The following TXNL4A variants were observed in gnomAD, a reference collection of about 807,000 sequenced individuals.
The protein encoded by TXNL4A is thioredoxin like 4A.
A neutral mutation model predicts 14.6 loss-of-function variants in TXNL4A; 17 were observed. That is an observed-to-expected ratio of 1.16 (90% CI 0.80 to 1.74). The LOEUF (loss-of-function observed/expected upper bound fraction) is 1.74, where lower values mean the gene tolerates loss of function less well. Among genes scored for constraint, TXNL4A ranks in the 40% most tolerant of loss-of-function variants. The pLI is 0.00. For missense variants in TXNL4A, 74 were observed against 195.2 expected (o/e 0.38, Z 3.70); for synonymous variants, 83 against 70.6 (o/e 1.18, Z -0.88).
At chr18:79,984,807 C>T (rs1396453906) in intron 1 of TXNL4A, among the ~76,000 whole-genome samples, 1 of 152,156 alleles carries the variant, frequency 6.6e-6, no homozygotes, top group Non-Finnish European at 1.5e-5. Context: ...TTTGCGTGGG[C>T]TTTTTAACAC....
Position 79,971,062 on chromosome 18 carries a change from C to T in TXNL4A, c.*2623G>A, listed in dbSNP as rs556352701. 40 of 153,944 alleles carry T rather than the reference C, an allele frequency of 2.6e-4. No individual in the cohort carries two copies. Among genetic ancestry groups the T allele is most frequent in the Non-Finnish European group, 3.3e-4 (23 of 69,072 alleles). 9.5% of individuals were successfully genotyped at this position (153,944 alleles called of 1,614,324 possible). A position where few individuals can be genotyped will look rare whatever the true frequency, so the allele number is the denominator to read the frequency against. ...TCCCAGTCTTAAGCAACCACTAATCCGTCTCTATGGATGTGCCTATTCTAG... is the reference window on the plus strand; with the variant it reads ...TCCCAGTCTTAAGCAACCACTAATCTGTCTCTATGGATGTGCCTATTCTAG... On this transcript the variant is annotated 3_prime_UTR_variant, in exon 3 of 3. Coordinates refer to ENST00000269601, the MANE Select transcript of TXNL4A (RefSeq NM_006701.5).
intron 1 of TXNL4A, among the ~76,000 whole-genome samples, chr18:79,994,792 A>ACCC (rs1273296544): frequency 2.0e-5 from 3 of 150,712 alleles, no homozygotes; most frequent in Non-Finnish European, 4.4e-5. Flanking sequence ...CTCCACCTAC[A>ACCC]CCCCCACTCT....
chr18:79,979,008 G>A (rs2051423078), intron 1 of TXNL4A, among the ~76,000 whole-genome samples: 1 of 151,468 alleles, frequency 6.6e-6, no homozygotes, highest in Non-Finnish European at 1.5e-5. Context: ...CATGATCTTG[G>A]CTCACTGCAA....
chr18:79,985,139 AAAGACAGCTC>A (rs1202734613), intron 1 of TXNL4A, among the ~76,000 whole-genome samples: 3 of 152,242 alleles, frequency 2.0e-5, no homozygotes, highest in Non-Finnish European at 4.4e-5. Context: ...TACAAAATGG[AAAGACAGCTC>A]AAAGGTCCAT....
chr18:80,003,656 G>A (rs1254828352), intron 1 of TXNL4A, among the ~76,000 whole-genome samples: 2 of 152,142 alleles, frequency 1.3e-5, no homozygotes, highest in Admixed American at 1.3e-4. Flanking sequence ...CTTTTAAGAA[G>A]CATTATTTTA....
chr18:79,989,335 C>T (rs1035612966), upstream of TXNL4A, among the ~76,000 whole-genome samples: 2 of 151,924 alleles, frequency 1.3e-5, no homozygotes, highest in Admixed American at 1.3e-4. Flanking sequence ...GTCTTGAACT[C>T]CTGACCTCAA....
At chr18:80,016,287 G>A (rs563248049) in intron 1 of TXNL4A, among the ~76,000 whole-genome samples, 19 of 152,220 alleles carry the variant, frequency 1.2e-4, no homozygotes, top group East Asian at 5.8e-4. Context: ...AGTGGGTTGC[G>A]AAAATTTTCT....
At chr18:80,015,729 T>C (rs1225810447) in intron 1 of TXNL4A, among the ~76,000 whole-genome samples, 1 of 150,874 alleles carries the variant, frequency 6.6e-6, no homozygotes, top group Non-Finnish European at 1.5e-5. Flanking sequence ...CCATGGTGTA[T>C]ATGTGCCACA....
In TXNL4A at chr18:79,982,504, GGAGT is replaced by G. The variant is rs1213044398; in HGVS notation, c.154-4807_154-4804del. ...GCCAGGGTGGCAGGTGCCAGGCTTG[GGAGT>G]GAGTGCAGAAGCCCACTGTAGAGTT... On this transcript the variant is annotated intron_variant, in intron 1 of 2. Transcript: ENST00000269601. This position sits in a 1 kb window ranked among gnomAD's most constrained non-coding sequence, Gnocchi z 4.0. Among the ~76,000 whole-genome samples the G allele has an allele frequency of 2.0e-5, 3 of 152,152 alleles. No individual in the cohort carries two copies. The highest frequency in any genetic ancestry group is 4.8e-5 in the African/African-American group (2 of 41,420).
intron 1 of TXNL4A, among the ~76,000 whole-genome samples, chr18:80,020,782 T>G (rs966289895): frequency 7.2e-5 from 11 of 152,138 alleles, no homozygotes; most frequent in Non-Finnish European, 1.0e-4. Flanking sequence ...TATTTACAAT[T>G]TACAAAAACC....
chr18:80,031,887 G>C (rs1043513414), intron 1 of TXNL4A, among the ~76,000 whole-genome samples: 1 of 152,214 alleles, frequency 6.6e-6, no homozygotes, highest in Non-Finnish European at 1.5e-5. Context: ...TTGGATTCTG[G>C]GGAACTTGGT....
intron 1 of TXNL4A, among the ~76,000 whole-genome samples, chr18:80,016,359 T>G (rs897079308): frequency 2.6e-5 from 4 of 152,150 alleles, no homozygotes; most frequent in African/African-American, 4.8e-5. Context: ...AGAAGCTCTT[T>G]AGTTTAATTA....
Position 79,973,362 on chromosome 18 carries a change from A to G in TXNL4A, c.*323T>C, listed in dbSNP as rs1210572160. 4.1e-6 allele frequency: 1 copy of G among 241,264 alleles called. No homozygotes were observed. The highest frequency in any genetic ancestry group is 8.0e-6 in the Non-Finnish European group (1 of 125,376). The allele number at this position is 241,264 out of a possible 1,614,324, so 14.9% of individuals were successfully genotyped here. On this transcript the variant is annotated 3_prime_UTR_variant, in exon 3 of 3. Transcript: ENST00000269601. ...AGCCCAGCTCGCGGCATATGCTGTC[A>G]CCGCAGCCCCAGCAAACCAACCCAG...
At chr18:80,031,592 T>C (rs553004277) in intron 1 of TXNL4A, among the ~76,000 whole-genome samples, 1 of 152,258 alleles carries the variant, frequency 6.6e-6, no homozygotes, top group Non-Finnish European at 1.5e-5. Flanking sequence ...CTATATGGGA[T>C]ATAGAAGCCT....
Position 79,993,873 on chromosome 18 carries a change from A to G in TXNL4A, c.-60-16172T>C, listed in dbSNP as rs1191388892. On this transcript the variant is annotated intron_variant, in intron 1 of 2. Coordinates refer to the TXNL4A transcript ENST00000585474. The surrounding 1 kb of genome is among the most constrained non-coding windows in gnomAD (Gnocchi z 4.4). Reference sequence around the variant, plus strand: ...CTAATCTCATCTGGTAGGTGCATATAAGGAGCTGACCCTTCCCACACCTGG... The same window carrying G: ...CTAATCTCATCTGGTAGGTGCATATGAGGAGCTGACCCTTCCCACACCTGG... 6.6e-6 allele frequency among the ~76,000 whole-genome samples: 1 copy of G among 152,160 alleles called. No individual in the cohort carries two copies.
intron 2 of TXNL4A, among the ~76,000 whole-genome samples, chr18:79,974,240 C>T (rs532343813): frequency 1.6e-4 from 24 of 152,270 alleles, no homozygotes; most frequent in Admixed American, 3.9e-4. Context: ...AAATGAGACC[C>T]CCATCTAATT....
intron 2 of TXNL4A, chr18:79,977,249 T>G (rs999638712): frequency 9.5e-5 from 31 of 327,056 alleles, no homozygotes; most frequent in African/African-American, 6.1e-4. Context: ...TTTGAGCCAC[T>G]GTGCCCGGCC....
At chr18:79,981,676 T>C in intron 1 of TXNL4A, among the ~76,000 whole-genome samples, 1 of 152,220 alleles carries the variant, frequency 6.6e-6, no homozygotes, top group South Asian at 2.1e-4. Context: ...CTTCTCAAAC[T>C]AACAACAACA....
At chr18:80,006,405 T>C (rs1426514828) in intron 1 of TXNL4A, among the ~76,000 whole-genome samples, 1 of 151,708 alleles carries the variant, frequency 6.6e-6, no homozygotes, top group Non-Finnish European at 1.5e-5. Flanking sequence ...GAAAGTTTAT[T>C]AGGAAGAATG....
Sources: gnomAD v4.1 joint callset for allele counts (sites outside exome capture counted in the v4.1 genomes callset) on GRCh38, gnomAD v4.1.1 for gene constraint, Gnocchi (gnomAD v3.1) non-coding constraint, MANE v1.5 for transcripts, NCBI Gene and HGNC (gene_info 2026-07-23, HGNC 2026-07-21) for gene names.